Variants in SIPA1L2 observed in about 807,000 individuals in gnomAD.
SIPA1L2 encodes the protein signal induced proliferation associated 1 like 2, also known as signal-induced proliferation-associated 1-like protein 2.
Under a neutral mutation model 163.9 loss-of-function variants are expected in SIPA1L2, and 56 were observed. The ratio of observed to expected loss-of-function variants is 0.34; its 90% CI spans 0.28 to 0.43. The LOEUF (loss-of-function observed/expected upper bound fraction) is 0.43, where lower values mean the gene tolerates loss of function less well. SIPA1L2 is among the 20% of genes least tolerant of loss of function. The probability of loss-of-function intolerance (pLI) is 1.00; values close to 1 mark genes in which losing one functional copy is unlikely to be tolerated. For synonymous variants in SIPA1L2, 877 were observed against 865.7 expected (o/e 1.01, Z -0.23); for missense variants, 1,974 against 2,193.5 (o/e 0.90, Z 2.00).
At chr1:232,531,328 T>C (rs1303482638) in intron 2 of SIPA1L2, among the ~76,000 whole-genome samples, 3 of 152,066 alleles carry the variant, frequency 2.0e-5, no homozygotes, top group Non-Finnish European at 4.4e-5. Context: ...CTTATTGGAG[T>C]TCCCTCCCTG....
chr1:232,439,627 T>C, intron 14 of SIPA1L2, 131 bp from the exon 15 acceptor site: 1 of 1,038,710 alleles, frequency 9.6e-7, no homozygotes, highest in Non-Finnish European at 1.4e-6. Flanking sequence ...ATGTGGGCAA[T>C]GACAGGACTT....
intron 12 of SIPA1L2, among the ~76,000 whole-genome samples, chr1:232,443,160 C>T (rs1663004378): frequency 6.6e-6 from 1 of 152,180 alleles, no homozygotes; most frequent in Non-Finnish European, 1.5e-5. Context: ...TCTGCCTGAG[C>T]TGCTGGCTAC....
intron 3 of SIPA1L2, among the ~76,000 whole-genome samples, chr1:232,497,768 A>C (rs1439943901): frequency 6.6e-6 from 1 of 152,082 alleles, no homozygotes; most frequent in Non-Finnish European, 1.5e-5. Context: ...TTACAGCATG[A>C]GTGTTTCTCA....
intron 1 of SIPA1L2, among the ~76,000 whole-genome samples, chr1:232,588,276 G>A (rs779163486): frequency 1.3e-5 from 2 of 152,136 alleles, no homozygotes; most frequent in African/African-American, 4.8e-5. Flanking sequence ...TGGTTATTCC[G>A]ACAAGGCTAT....
chr1:232,496,162 C>T (rs927515521), intron 3 of SIPA1L2, among the ~76,000 whole-genome samples: 6 of 152,174 alleles, frequency 3.9e-5, no homozygotes, highest in African/African-American at 1.4e-4. Context: ...ATGGTAAGTG[C>T]CCTATACAGG....
chr1:232,531,805 A>G (rs1333737114), intron 2 of SIPA1L2, among the ~76,000 whole-genome samples: 1 of 152,164 alleles, frequency 6.6e-6, no homozygotes, highest in Non-Finnish European at 1.5e-5. Context: ...ACGGAAGGGT[A>G]CGGTGGCTAA....
Position 232,515,199 on chromosome 1 carries a change from G to A in SIPA1L2, c.141C>T (p.Pro47=), listed in dbSNP as rs773811737. ...AATTCGAGGCATTTAAAGAAGTAGT[G>A]GGTCCCATGTTGCCATTAATGGCTT... is the stretch of plus-strand genomic sequence containing the variant. ...KFKAINGNMG[P]TTSLNASNSN... is the part of the protein sequence containing the mutation. The change falls in exon 3 of 23, where the codon CCC becomes CCT. Residue 47 remains proline, a synonymous_variant. Transcript: ENST00000674635. 1 of 1,614,056 alleles carries A rather than the reference G, an allele frequency of 6.2e-7. No individual in the cohort carries two copies. The highest frequency in any genetic ancestry group is 8.5e-7 in the Non-Finnish European group (1 of 1,180,040).
At chr1:232,449,932 T>C (rs1052309881) in intron 10 of SIPA1L2, among the ~76,000 whole-genome samples, 2 of 152,176 alleles carry the variant, frequency 1.3e-5, no homozygotes, top group African/African-American at 2.4e-5. Context: ...TTCTAACTTG[T>C]CAAATCCATA....
chr1:232,457,641 GT>G (rs1243069093), intron 10 of SIPA1L2, among the ~76,000 whole-genome samples: 26 of 152,170 alleles, frequency 1.7e-4, no homozygotes, highest in African/African-American at 6.3e-4. Context: ...TTGCTATATG[GT>G]TAACAGTACT....
At chr1:232,497,195 T>C (rs1666239388) in intron 3 of SIPA1L2, among the ~76,000 whole-genome samples, 1 of 152,162 alleles carries the variant, frequency 6.6e-6, no homozygotes, top group East Asian at 1.9e-4. Flanking sequence ...AGAGGAGGCA[T>C]GGGAGAACGT....
intron 8 of SIPA1L2, among the ~76,000 whole-genome samples, chr1:232,466,388 A>G (rs1286519921): frequency 6.6e-6 from 1 of 152,250 alleles, no homozygotes; most frequent in Non-Finnish European, 1.5e-5. Flanking sequence ...AATAACGAGC[A>G]TTGTAATCTA....
chr1:232,463,377 C>T (rs764452013), intron 9 of SIPA1L2, among the ~76,000 whole-genome samples: 2 of 152,346 alleles, frequency 1.3e-5, no homozygotes, highest in East Asian at 1.9e-4. Context: ...TCTGTTACTA[C>T]CACTCTGCAT....
intron 1 of SIPA1L2, among the ~76,000 whole-genome samples, chr1:232,597,644 T>G (rs10910569): frequency 7.0e-6 from 1 of 143,176 alleles, no homozygotes; most frequent in African/African-American, 2.7e-5. Context: ...GAGCCGAGTT[T>G]GCGCCACTGC....
At chr1:232,612,454 G>A (rs1379985453) in intron 1 of SIPA1L2, among the ~76,000 whole-genome samples, 1 of 152,198 alleles carries the variant, frequency 6.6e-6, no homozygotes, top group Non-Finnish European at 1.5e-5. Context: ...ACCCTGCAAA[G>A]CCACAGAGGT....
At chr1:232,570,903 G>A (rs997295845) in intron 2 of SIPA1L2, among the ~76,000 whole-genome samples, 1 of 149,186 alleles carries the variant, frequency 6.7e-6, no homozygotes, top group Non-Finnish European at 1.5e-5. Flanking sequence ...TTTTATAATT[G>A]TGGAGTGTTT....
intron 2 of SIPA1L2, among the ~76,000 whole-genome samples, chr1:232,543,082 T>C (rs1404206875): frequency 6.6e-6 from 1 of 152,196 alleles, no homozygotes; most frequent in Non-Finnish European, 1.5e-5. Context: ...GGGTCTCTCA[T>C]TGTACAGTGT....
intron 18 of SIPA1L2, among the ~76,000 whole-genome samples, chr1:232,423,784 C>T (rs72757391): frequency 0.2 from 30,778 of 151,806 alleles, 3,217 homozygotes; most frequent in East Asian, 0.3. Flanking sequence ...ATCTAGATGA[C>T]GCAATATTAT....
intron 1 of SIPA1L2, among the ~76,000 whole-genome samples, chr1:232,581,120 T>C (rs1660348127): frequency 1.3e-5 from 2 of 152,186 alleles, no homozygotes; most frequent in African/African-American, 4.8e-5. Context: ...GCTGCAACCA[T>C]GGCACCTAAA....
intron 12 of SIPA1L2, among the ~76,000 whole-genome samples, chr1:232,442,091 C>T (rs1662935462): frequency 6.6e-6 from 1 of 151,970 alleles, no homozygotes; most frequent in East Asian, 1.9e-4. Flanking sequence ...GAAAAAGCAG[C>T]CGGATGATAG....
Sources: allele counts gnomAD v4.1 joint callset (sites outside exome capture counted in the v4.1 genomes callset), GRCh38; gene constraint gnomAD v4.1.1; transcripts MANE v1.5; gene names NCBI Gene and HGNC (gene_info 2026-07-23, HGNC 2026-07-21).